PCDHA6: variants seen among roughly 807,000 people sequenced by gnomAD.
The protein encoded by PCDHA6 is protocadherin alpha-6.
In PCDHA6, 55 loss-of-function variants were observed where a neutral mutation model predicts 60.3. The ratio of observed to expected loss-of-function variants is 0.91; its 90% CI spans 0.73 to 1.14. The LOEUF (loss-of-function observed/expected upper bound fraction) is 1.14. Among genes scored for constraint, PCDHA6 ranks in the 50% most tolerant of loss-of-function variants. The probability of loss-of-function intolerance (pLI) is 0.00; values close to 1 mark genes in which losing one functional copy is unlikely to be tolerated. For missense variants in PCDHA6, 1,327 were observed against 1,256.5 expected (o/e 1.06, Z -0.85); for synonymous variants, 652 against 557.9 (o/e 1.17, Z -2.38).
At chr5:140,871,190 A>G (rs1554165248) in intron 1 of PCDHA6, 9 of 1,613,526 alleles carry the variant, frequency 5.6e-6, no homozygotes, top group Admixed American at 3.3e-5. Flanking sequence ...GTGGATGTCA[A>G]CGTGTACCTG....
intron 1 of PCDHA6, among the ~76,000 whole-genome samples, chr5:140,925,606 C>A (rs1554202814): frequency 1.3e-5 from 2 of 150,882 alleles, no homozygotes; most frequent in African/African-American, 4.9e-5. Context: ...TGTAACAAAC[C>A]TGCACGTTGT....
chr5:141,007,325 C>T (rs1303133451), intron 3 of PCDHA6, among the ~76,000 whole-genome samples: 1 of 145,322 alleles, frequency 6.9e-6, no homozygotes, highest in Non-Finnish European at 1.5e-5. Flanking sequence ...CTAAAGTGGA[C>T]AGATTGCCTG....
At chr5:141,003,178 A>C (rs2098114996) in intron 3 of PCDHA6, among the ~76,000 whole-genome samples, 1 of 152,180 alleles carries the variant, frequency 6.6e-6, no homozygotes, top group East Asian at 1.9e-4. Context: ...CTGAGGCTCA[A>C]CTCCATCAAC....
chr5:141,000,422 T>TATATA (rs1491457105), intron 3 of PCDHA6, among the ~76,000 whole-genome samples: 1 of 51,852 alleles, frequency 1.9e-5, no homozygotes, highest in Non-Finnish European at 3.5e-5. Flanking sequence ...TATATATATA[T>TATATA]TTTTTTTTTT....
In PCDHA6 at chr5:140,849,836, C is replaced by T. The variant is rs2150452657; in HGVS notation, c.2394+19351C>T. 6 of 1,598,428 alleles carry T rather than the reference C, an allele frequency of 3.8e-6. 1 individual carries two copies. The Admixed American group carries it at 5.1e-5, about 13-fold the overall frequency. On this transcript the variant is annotated intron_variant, in intron 1 of 3. Coordinates refer to ENST00000529310, the MANE Select transcript of PCDHA6 (RefSeq NM_018909.4). Reference sequence around the variant, plus strand: ...CCAGGGTGTCTGTGGAGGTGGCCGACGTGAACGACAACGCACCAGCGTTCG... The same window carrying T: ...CCAGGGTGTCTGTGGAGGTGGCCGATGTGAACGACAACGCACCAGCGTTCG...
chr5:140,920,612 G>A (rs1389841013), intron 1 of PCDHA6, among the ~76,000 whole-genome samples: 3 of 152,092 alleles, frequency 2.0e-5, no homozygotes, highest in Non-Finnish European at 2.9e-5. Flanking sequence ...TTGGGAGGCC[G>A]AGGCGGATGG....
chr5:140,896,260 G>A (rs1304707341), intron 1 of PCDHA6, among the ~76,000 whole-genome samples: 1 of 152,230 alleles, frequency 6.6e-6, no homozygotes, highest in African/African-American at 2.4e-5. Context: ...TATGTACACA[G>A]TTATGGGATT....
At chr5:140,913,243 G>T (rs1386908951) in intron 1 of PCDHA6, among the ~76,000 whole-genome samples, 1 of 152,112 alleles carries the variant, frequency 6.6e-6, no homozygotes, top group Non-Finnish European at 1.5e-5. Flanking sequence ...GAGACTTTTT[G>T]TTACAACTTT....
chr5:140,989,517 G>A (rs782479733), intron 3 of PCDHA6, among the ~76,000 whole-genome samples: 4 of 152,186 alleles, frequency 2.6e-5, no homozygotes, highest in Non-Finnish European at 5.9e-5. Flanking sequence ...CCTGAGTTGA[G>A]GGCAGAGGAG....
intron 1 of PCDHA6, chr5:140,877,636 C>T (rs1554169939): frequency 1.2e-6 from 2 of 1,613,640 alleles, no homozygotes; most frequent in Admixed American, 1.7e-5. Context: ...CACTGCGCTG[C>T]GTTGCTCAGC....
intron 1 of PCDHA6, among the ~76,000 whole-genome samples, chr5:140,978,316 A>AC (rs1370469532): frequency 5.4e-4 from 83 of 152,358 alleles, no homozygotes; most frequent in African/African-American, 1.9e-3. Context: ...AGGAGCAGGA[A>AC]CAAGTACAAG....
At chr5:140,952,515 C>G (rs2094758109) in intron 1 of PCDHA6, among the ~76,000 whole-genome samples, 1 of 152,132 alleles carries the variant, frequency 6.6e-6, no homozygotes, top group Non-Finnish European at 1.5e-5. Context: ...TCATCTCCAT[C>G]TGAGACCTCC....
chr5:140,857,745 C>G, intron 1 of PCDHA6: 1 of 1,597,310 alleles, frequency 6.3e-7, no homozygotes, highest in Non-Finnish European at 8.6e-7. Context: ...GCGCTGCTGG[C>G]GTCTCCCGCT....
At chr5:140,835,601 A>G (rs2150239166) in intron 1 of PCDHA6, 39 of 1,613,774 alleles carry the variant, frequency 2.4e-5, no homozygotes, top group African/African-American at 6.7e-5. Flanking sequence ...ATTACTATTC[A>G]TTGGTGCTGG....
At chr5:140,876,418 T>G in intron 1 of PCDHA6, 1 of 1,613,982 alleles carries the variant, frequency 6.2e-7, no homozygotes, top group African/African-American at 1.3e-5. Context: ...GAATAATGCC[T>G]ATGAAATTCA....
At chr5:140,831,638 T>C (rs2150196472) in intron 1 of PCDHA6, among the ~76,000 whole-genome samples, 19 of 151,546 alleles carry the variant, frequency 1.3e-4, no homozygotes, top group African/African-American at 4.6e-4. Flanking sequence ...ACTAAGATTA[T>C]AGGTGTGAGC....
intron 1 of PCDHA6, chr5:140,877,432 C>T: frequency 6.2e-7 from 1 of 1,613,874 alleles, no homozygotes; most frequent in Non-Finnish European, 8.5e-7. Flanking sequence ...GGTGAAGGAC[C>T]ACGGTGAGCC....
At chr5:140,834,383 A>T in intron 1 of PCDHA6, 1 of 1,567,408 alleles carries the variant, frequency 6.4e-7, no homozygotes, top group Non-Finnish European at 8.6e-7. Flanking sequence ...AATAATTTGA[A>T]ATGGTGTGCC....
rs540052499 is a variant in PCDHA6 at position 140,992,812 on chromosome 5, G to A, written c.2542+10249G>A. Among the ~76,000 whole-genome samples the A allele has an allele frequency of 2.5e-4, 38 of 152,228 alleles. No homozygotes were observed. The South Asian group carries it at 7.9e-3, about 32-fold the overall frequency. ...TTTTATGGATCCATATGTATCTAAG[G>A]ATGTGTTTGTTTTTTGGGAACATTT... is the stretch of plus-strand genomic sequence containing the variant. On this transcript the variant is annotated intron_variant, in intron 3 of 3. Transcript: ENST00000529310.
Sources: allele counts gnomAD v4.1 joint callset (sites outside exome capture counted in the v4.1 genomes callset), GRCh38; gene constraint gnomAD v4.1.1; transcripts MANE v1.5; gene names NCBI Gene and HGNC (gene_info 2026-07-23, HGNC 2026-07-21).